SV2C: variants seen among roughly 807,000 people sequenced by gnomAD.
The protein encoded by SV2C is solute carrier family 22 member B3.
A neutral mutation model predicts 79.7 loss-of-function variants in SV2C; 49 were observed. That is an observed-to-expected ratio of 0.61 (90% confidence interval 0.49 to 0.78). SV2C has a LOEUF of 0.78. SV2C is among the 30% of genes least tolerant of loss of function. The pLI is 0.00. For synonymous variants in SV2C, 334 were observed against 333.2 expected (o/e 1.00, Z -0.03); for missense variants, 833 against 912.9 (o/e 0.91, Z 1.13).
chr5:76,138,008 T>A (rs1749125275), intron 2 of SV2C, among the ~76,000 whole-genome samples: 1 of 152,234 alleles, frequency 6.6e-6, no homozygotes, highest in Non-Finnish European at 1.5e-5. Flanking sequence ...TGTTACAGGT[T>A]CAGTGTTTGA....
intron 1 of SV2C, among the ~76,000 whole-genome samples, chr5:76,111,313 T>A (rs2112139714): frequency 6.6e-6 from 1 of 152,296 alleles, no homozygotes; most frequent in Admixed American, 6.5e-5. Flanking sequence ...TTCTTTTATA[T>A]CTAGACCTGC....
At chr5:76,194,809 T>C in intron 2 of SV2C, 110 bp from the exon 3 acceptor site, 2 of 1,321,572 alleles carry the variant, frequency 1.5e-6, no homozygotes, top group African/African-American at 1.5e-5. Flanking sequence ...TTAAAGGAAA[T>C]TTTCCTCATG....
At chr5:76,342,139 A>T (rs1749454043) in intron 12 of SV2C, among the ~76,000 whole-genome samples, 1 of 152,140 alleles carries the variant, frequency 6.6e-6, no homozygotes, top group African/African-American at 2.4e-5. Context: ...GGAGAGAAGG[A>T]AGGGGAAGTG....
the SV2C span, among the ~76,000 whole-genome samples, chr5:75,914,905 AG>A: frequency 2.0e-5 from 3 of 152,238 alleles, no homozygotes; most frequent in Non-Finnish European, 4.4e-5. Context: ...ATGGACTTAC[AG>A]TTCCACATAG....
At chr5:76,199,529 G>GC (rs758555750) in intron 3 of SV2C, among the ~76,000 whole-genome samples, 5 of 152,158 alleles carry the variant, frequency 3.3e-5, no homozygotes, top group Non-Finnish European at 7.3e-5. Context: ...TACAACTGAT[G>GC]CCTGAAAATA....
intron 4 of SV2C, among the ~76,000 whole-genome samples, chr5:76,271,768 A>G (rs1746876177): frequency 6.6e-6 from 1 of 152,066 alleles, no homozygotes; most frequent in South Asian, 2.1e-4. Flanking sequence ...CGCCCGGCGT[A>G]TGTGCTCTTA....
chr5:76,002,500 C>T, the SV2C span, among the ~76,000 whole-genome samples: 1 of 152,140 alleles, frequency 6.6e-6, no homozygotes, highest in Non-Finnish European at 1.5e-5. Context: ...GTGTTGATGG[C>T]TGCACAACTC....
chr5:76,091,813 G>A (rs566487150), intron 1 of SV2C: 1 of 152,022 alleles, frequency 6.6e-6, no homozygotes, highest in Admixed American at 6.6e-5. Context: ...AGACTTCTTA[G>A]TCCCTCCCCT....
chr5:76,052,226 A>G, the SV2C span, among the ~76,000 whole-genome samples: 1 of 152,152 alleles, frequency 6.6e-6, no homozygotes, highest in Non-Finnish European at 1.5e-5. Context: ...TTTCTAAAAC[A>G]TTAGAGTTTC....
At chr5:75,996,211 A>T in the SV2C span, among the ~76,000 whole-genome samples, 1 of 152,328 alleles carries the variant, frequency 6.6e-6, no homozygotes, top group South Asian at 2.1e-4. Context: ...ATGGCTAGCC[A>T]GTTTTCCCAG....
At chr5:76,304,326 A>G (rs246812) in intron 12 of SV2C, among the ~76,000 whole-genome samples, 75,232 of 151,980 alleles carry the variant, frequency 0.5, 18,861 homozygotes, top group East Asian at 0.58. Context: ...ATCTGAAAAT[A>G]TTTCAGGCTA....
At chr5:76,302,325 A>G (rs1350497794) in intron 12 of SV2C, among the ~76,000 whole-genome samples, 1 of 152,152 alleles carries the variant, frequency 6.6e-6, no homozygotes, top group African/African-American at 2.4e-5. Context: ...ACACATTTCT[A>G]GTTATAAAAA....
At chr5:76,085,614 C>T (rs1242225609) in intron 1 of SV2C, among the ~76,000 whole-genome samples, 6 of 152,110 alleles carry the variant, frequency 3.9e-5, no homozygotes, top group Non-Finnish European at 7.4e-5. Flanking sequence ...ATGCTAGTCA[C>T]CATTTCCCCA....
the SV2C span, among the ~76,000 whole-genome samples, chr5:75,994,158 A>C: frequency 6.6e-6 from 1 of 152,074 alleles, no homozygotes; most frequent in African/African-American, 2.4e-5. Context: ...AGAGTTTGCA[A>C]TGGTACACAT....
rs749164523 is a variant in SV2C, at chr5:76,285,816, G to T, written c.1083G>T (p.Lys361Asn). The change falls in exon 6 of 13, where the codon AAG becomes AAT. Residue 361 changes from lysine to asparagine, a missense_variant. Transcript: ENST00000502798. ...ATGATGAAGCTTGGATGATTCTGAA[G>T]TTAATTCATGACACCAACATGAGAG... ...GKHDEAWMILKLIHDTNMRAR... is the reference protein window; with the variant it reads ...GKHDEAWMILNLIHDTNMRAR... The T allele has an allele frequency of 9.3e-6, 15 of 1,614,094 alleles. No individual in the cohort carries two copies. In the South Asian group the frequency reaches 1.6e-4, roughly 18 times the overall value.
chr5:76,036,869 C>T, the SV2C span, among the ~76,000 whole-genome samples: 2 of 152,248 alleles, frequency 1.3e-5, no homozygotes, highest in African/African-American at 4.8e-5. Context: ...CTCCCTGTCA[C>T]TTTCAGGTAC....
chr5:76,334,361 C>A (rs1026536321), downstream of SV2C, among the ~76,000 whole-genome samples: 3 of 152,050 alleles, frequency 2.0e-5, no homozygotes, highest in Non-Finnish European at 2.9e-5. Flanking sequence ...GACTTAAATG[C>A]CACATATTTG....
intron 2 of SV2C, 137 bp downstream of exon 2, chr5:76,132,467 AG>A (rs1270599127): frequency 1.2e-6 from 1 of 835,692 alleles, no homozygotes; most frequent in East Asian, 2.8e-5. Flanking sequence ...AAAAACTTTA[AG>A]CATACAAAAG....
At chr5:76,291,651 G>T in intron 7 of SV2C, 117 bp from the exon 8 acceptor site, 1 of 695,634 alleles carries the variant, frequency 1.4e-6, no homozygotes, top group Non-Finnish European at 2.4e-6. Context: ...ACATTTTAAG[G>T]TGAAATGAAT....
Sources: gnomAD v4.1 joint callset for allele counts (sites outside exome capture counted in the v4.1 genomes callset) on GRCh38, gnomAD v4.1.1 for gene constraint, MANE v1.5 for transcripts, NCBI Gene and HGNC (gene_info 2026-07-23, HGNC 2026-07-21) for gene names.